The following LDB2 variants were observed in gnomAD, a reference collection of about 807,000 sequenced individuals.
LDB2 encodes LIM domain binding 2.
In LDB2, 12 loss-of-function variants were observed where a neutral mutation model predicts 44.3. The ratio of observed to expected loss-of-function variants is 0.27; its 90% confidence interval spans 0.17 to 0.44. LDB2 has a LOEUF of 0.44. Ranked by LOEUF, LDB2 falls within the 20% of genes least tolerant of loss-of-function variation. The probability of loss-of-function intolerance (pLI) is 1.00; values close to 1 mark genes in which losing one functional copy is unlikely to be tolerated. For missense variants in LDB2, 344 were observed against 473.5 expected (o/e 0.73, Z 2.54); for synonymous variants, 164 against 174.8 (o/e 0.94, Z 0.49).
chr4:16,728,363 G>A (rs374794068), intron 2 of LDB2, among the ~76,000 whole-genome samples: 7 of 152,122 alleles, frequency 4.6e-5, no homozygotes, highest in African/African-American at 1.2e-4. Context: ...TCAGAGTAAA[G>A]TGAAAGAAAT....
chr4:16,776,176 C>A (rs911927569), intron 1 of LDB2, among the ~76,000 whole-genome samples: 9 of 152,108 alleles, frequency 5.9e-5, no homozygotes, highest in African/African-American at 2.2e-4. Flanking sequence ...AAGTCCAAAT[C>A]AAAAAATCGT....
intron 2 of LDB2, among the ~76,000 whole-genome samples, chr4:16,642,363 G>A (rs1345197268): frequency 2.0e-5 from 3 of 152,100 alleles, no homozygotes; most frequent in Non-Finnish European, 4.4e-5. Flanking sequence ...GCAGGTAAAC[G>A]CACAAAAACC....
intron 2 of LDB2, among the ~76,000 whole-genome samples, chr4:16,665,248 A>G (rs1372212572): frequency 1.7e-5 from 1 of 57,432 alleles, no homozygotes. Context: ...AGAAGTAGAT[A>G]TTCTCTTTTT....
chr4:16,745,169 A>C (rs1437711822), intron 2 of LDB2, among the ~76,000 whole-genome samples: 2 of 152,146 alleles, frequency 1.3e-5, no homozygotes, highest in Non-Finnish European at 2.9e-5. Flanking sequence ...GGCATTCTCT[A>C]ATTGGGTCAT....
chr4:16,888,123 C>A (rs1422820300), intron 1 of LDB2, among the ~76,000 whole-genome samples: 1 of 152,216 alleles, frequency 6.6e-6, no homozygotes, highest in Non-Finnish European at 1.5e-5. Context: ...GCTGACCCAG[C>A]TCCCTTGGAG....
chr4:16,824,209 TTGTGTGTGTGTATGTGTG>T (rs1386958612), intron 1 of LDB2, among the ~76,000 whole-genome samples: 3 of 152,046 alleles, frequency 2.0e-5, no homozygotes, highest in African/African-American at 4.8e-5. Context: ...AGGGGAGAGA[TTGTGTGTGTGTATGTGTG>T]TGTGTGTGTG....
intron 5 of LDB2, among the ~76,000 whole-genome samples, chr4:16,513,072 A>G (rs1458916224): frequency 2.0e-5 from 3 of 152,176 alleles, no homozygotes; most frequent in African/African-American, 7.2e-5. Context: ...CCTTTTATGA[A>G]AGACATGTGC....
chr4:16,597,692 C>T (rs1721380425), intron 2 of LDB2, among the ~76,000 whole-genome samples: 1 of 152,090 alleles, frequency 6.6e-6, no homozygotes, highest in South Asian at 2.1e-4. Context: ...CAAATAACCA[C>T]CATTGGATTA....
At chr4:16,674,451 A>G in intron 2 of LDB2, 1 of 406,916 alleles carries the variant, frequency 2.5e-6, no homozygotes, top group Non-Finnish European at 4.8e-6. Flanking sequence ...TTGAGTGTCC[A>G]CGTATTGGGC....
chr4:16,800,616 T>C (rs1473487299), intron 1 of LDB2, among the ~76,000 whole-genome samples: 2 of 152,202 alleles, frequency 1.3e-5, no homozygotes, highest in Admixed American at 1.3e-4. Flanking sequence ...TGTGGGGTGA[T>C]AGGGAGTCAT....
chr4:16,757,548 C>T (rs1470532204), intron 2 of LDB2, among the ~76,000 whole-genome samples: 1 of 152,146 alleles, frequency 6.6e-6, no homozygotes, highest in African/African-American at 2.4e-5. Context: ...GTTCCCTGAG[C>T]AGTCCCTGAT....
chr4:16,511,735 C>T (rs2152234717), intron 6 of LDB2, among the ~76,000 whole-genome samples: 1 of 152,314 alleles, frequency 6.6e-6, no homozygotes, highest in African/African-American at 2.4e-5. Flanking sequence ...TGACCTTGAA[C>T]ACGTTATTTT....
At chr4:16,530,635 C>T (rs1235823856) in intron 5 of LDB2, among the ~76,000 whole-genome samples, 2 of 152,184 alleles carry the variant, frequency 1.3e-5, no homozygotes, top group Non-Finnish European at 2.9e-5. Context: ...ACATATACCT[C>T]CCTTCTTCTG....
chr4:16,660,960 C>T lies in LDB2; in HGVS notation c.236-65085G>A, dbSNP rs564282723. Among the ~76,000 whole-genome samples the T allele has an allele frequency of 4.6e-5, 7 of 152,274 alleles. No individual in the cohort carries two copies. In the South Asian group the frequency reaches 6.2e-4, roughly 14 times the overall value. On this transcript the variant is annotated intron_variant, in intron 2 of 7. Transcript: ENST00000304523. ...GTCCTATGCGGACTAATAGGGAATA[C>T]GTTCACATGAGAGCAAAACTACCAA...
At chr4:16,734,885 C>A (rs1761556243) in intron 2 of LDB2, among the ~76,000 whole-genome samples, 1 of 151,574 alleles carries the variant, frequency 6.6e-6, no homozygotes, top group African/African-American at 2.4e-5. Flanking sequence ...ATTTTTGTAT[C>A]TTTAGTAAAG....
chr4:16,585,086 G>A (rs867900544), intron 5 of LDB2, among the ~76,000 whole-genome samples: 2 of 152,196 alleles, frequency 1.3e-5, no homozygotes, highest in South Asian at 4.1e-4. Flanking sequence ...CTTCTGGATT[G>A]TGGAGAGAAC....
intron 1 of LDB2, among the ~76,000 whole-genome samples, chr4:16,867,753 TATA>T (rs1173111870): frequency 1.3e-5 from 2 of 152,212 alleles, no homozygotes; most frequent in Admixed American, 1.3e-4. Context: ...AGAAGTGATC[TATA>T]ATCAAATAGC....
chr4:16,583,464 G>C (rs1175286384), intron 5 of LDB2, among the ~76,000 whole-genome samples: 1 of 152,134 alleles, frequency 6.6e-6, no homozygotes, highest in Non-Finnish European at 1.5e-5. Context: ...ACCTTCTGGG[G>C]CTTGAGACAA....
At chr4:16,891,601 G>A (rs748282016) in intron 1 of LDB2, among the ~76,000 whole-genome samples, 11 of 152,040 alleles carry the variant, frequency 7.2e-5, no homozygotes, top group Non-Finnish European at 1.2e-4. Context: ...TTGAGCCACC[G>A]TGCCCGAACT....
Sources: gnomAD v4.1 joint callset for allele counts (sites outside exome capture counted in the v4.1 genomes callset) on GRCh38, gnomAD v4.1.1 for gene constraint, MANE v1.5 for transcripts, NCBI Gene and HGNC (gene_info 2026-07-23, HGNC 2026-07-21) for gene names.